Variants in CPA4 observed in about 807,000 individuals in gnomAD.
The protein encoded by CPA4 is carboxypeptidase A4.
In CPA4, 49 loss-of-function variants were observed where a neutral mutation model predicts 54.7. The ratio of observed to expected loss-of-function variants is 0.90; its 90% CI spans 0.71 to 1.14. The LOEUF is 1.14. CPA4 is among the 50% of genes most tolerant of loss of function. CPA4 has a pLI of 0.00. For synonymous variants in CPA4, 215 were observed against 206.8 expected (o/e 1.04, Z -0.34); for missense variants, 487 against 525.1 (o/e 0.93, Z 0.71).
At chr7:130,308,257 T>G (rs775393303) in intron 7 of CPA4, 50 bp from the exon 8 acceptor site, 36 of 1,506,272 alleles carry the variant, frequency 2.4e-5, no homozygotes, top group Non-Finnish European at 3.0e-5. Context: ...CCCTCTTCGG[T>G]GATCTGATCT....
chr7:130,304,371 T>G (rs1206327406), intron 4 of CPA4, 107 bp from the exon 5 acceptor site: 2 of 783,888 alleles, frequency 2.6e-6, no homozygotes, highest in African/African-American at 3.4e-5. Flanking sequence ...ATTCCAAGAT[T>G]AGGGTCCCGG....
At chr7:130,308,485 G>C in intron 8 of CPA4, 88 bp downstream of exon 8, 1 of 1,058,208 alleles carries the variant, frequency 9.4e-7, no homozygotes. Flanking sequence ...GACGGAGCGC[G>C]TTTCCACTTT....
At chr7:130,301,288 G>A (rs1247968245) in intron 4 of CPA4, among the ~76,000 whole-genome samples, 2 of 152,160 alleles carry the variant, frequency 1.3e-5, no homozygotes, top group Non-Finnish European at 2.9e-5. Context: ...GTAGACAAAT[G>A]ATGATTTCGA....
rs1794170200 is a variant in CPA4, at chr7:130,323,911, GTGTGTGTGTGTGTGTGTGTGTGTGTT to G, written c.*1249_*1274del. Reference sequence around the variant, plus strand: ...TGTCCTGGTTTGTGTGTGTGTGTGTGTGTGTGTGTGTGTGTGTGTGTGTGTTTGTGTGTGTGTGTCTGTCTATTTTG... The same window carrying G: ...TGTCCTGGTTTGTGTGTGTGTGTGTGTGTGTGTGTGTGTCTGTCTATTTTG... On this transcript the variant is annotated 3_prime_UTR_variant, in exon 11 of 11. Coordinates refer to ENST00000222482, the MANE Select transcript of CPA4 (RefSeq NM_016352.4). 6.6e-6 allele frequency: 1 copy of G among 152,070 alleles called. No individual in the cohort carries two copies. The highest frequency in any genetic ancestry group is 2.4e-5 in the African/African-American group (1 of 41,142). The allele number at this position is 152,070 out of a possible 1,614,324, so 9.4% of individuals were successfully genotyped here.
chr7:130,306,555 T>C (rs922975305), intron 6 of CPA4, among the ~76,000 whole-genome samples: 2 of 152,138 alleles, frequency 1.3e-5, no homozygotes, highest in East Asian at 1.9e-4. Context: ...CTGCAGTTGA[T>C]GCCATTAGCA....
chr7:130,306,775 G>T lies in CPA4; in HGVS notation c.592-12G>T. ...CCATGGGATAGCTGACAAGCATATT[G>T]TCTCTGCTTAGATTGTATCTGATTA... On this transcript the variant is annotated splice_polypyrimidine_tract_variant and intron_variant, in intron 6 of 10. Transcript: ENST00000222482. The T allele has an allele frequency of 6.9e-7, 1 of 1,458,318 alleles. No individual in the cohort carries two copies. The highest frequency in any genetic ancestry group is 1.7e-5 in the Admixed American group (1 of 59,734). 90.3% of individuals were successfully genotyped at this position (1,458,318 alleles called of 1,614,324 possible).
chr7:130,314,560 G>T (rs1345745368), intron 10 of CPA4, among the ~76,000 whole-genome samples: 1 of 152,236 alleles, frequency 6.6e-6, no homozygotes, highest in African/African-American at 2.4e-5. Context: ...CGGAGCAAAG[G>T]AACAGTTAGC....
intron 3 of CPA4, among the ~76,000 whole-genome samples, chr7:130,300,249 A>G (rs1482300667): frequency 2.0e-5 from 3 of 152,128 alleles, no homozygotes; most frequent in Non-Finnish European, 4.4e-5. Flanking sequence ...TTCATACTAT[A>G]GGATAGCCAA....
chr7:130,318,658 G>A (rs1354900717), intron 10 of CPA4, among the ~76,000 whole-genome samples: 4 of 152,092 alleles, frequency 2.6e-5, no homozygotes, highest in East Asian at 3.9e-4. Context: ...TGATCTGCCC[G>A]CCTCGGCCTC....
intron 1 of CPA4, among the ~76,000 whole-genome samples, chr7:130,293,876 C>T (rs1219684823): frequency 2.0e-5 from 3 of 151,918 alleles, no homozygotes; most frequent in Admixed American, 6.5e-5. Flanking sequence ...GCCTGAACAC[C>T]GTGTGTGTGT....
At chr7:130,312,349 A>C (rs566220896) in intron 10 of CPA4, among the ~76,000 whole-genome samples, 1 of 152,350 alleles carries the variant, frequency 6.6e-6, no homozygotes, top group South Asian at 2.1e-4. Flanking sequence ...TTTCAAGGGA[A>C]ACCCACCTTT....
chr7:130,315,381 A>G (rs190026816), intron 10 of CPA4, among the ~76,000 whole-genome samples: 3 of 152,236 alleles, frequency 2.0e-5, no homozygotes, highest in Admixed American at 1.3e-4. Context: ...GGCCAAAGGT[A>G]AAAGTGTAAC....
At chr7:130,307,925 C>A (rs1562930390) in intron 7 of CPA4, among the ~76,000 whole-genome samples, 1 of 152,166 alleles carries the variant, frequency 6.6e-6, no homozygotes, top group Non-Finnish European at 1.5e-5. Flanking sequence ...TGATTGGATT[C>A]AGGGGAATTT....
intron 10 of CPA4, among the ~76,000 whole-genome samples, chr7:130,318,119 C>A (rs968294536): frequency 1.3e-5 from 2 of 152,194 alleles, no homozygotes; most frequent in African/African-American, 4.8e-5. Flanking sequence ...TGGAGAGTTT[C>A]TGCATCCTCT....
chr7:130,314,670 A>G (rs1290607420), intron 10 of CPA4, among the ~76,000 whole-genome samples: 1 of 152,220 alleles, frequency 6.6e-6, no homozygotes, highest in Non-Finnish European at 1.5e-5. Flanking sequence ...GGGAATTTAT[A>G]CTGAAAGAAA....
intron 8 of CPA4, 39 bp downstream of exon 8, chr7:130,308,436 C>A: frequency 6.6e-7 from 1 of 1,519,896 alleles, no homozygotes; most frequent in East Asian, 2.3e-5. Flanking sequence ...CCTGCTGTCC[C>A]TGGGCTCGCC....
intron 10 of CPA4, among the ~76,000 whole-genome samples, chr7:130,314,269 GT>G (rs1241694821): frequency 6.6e-6 from 1 of 152,208 alleles, no homozygotes; most frequent in African/African-American, 2.4e-5. Context: ...GTAAAGTGAG[GT>G]TTGTTGTAAA....
chr7:130,311,128 T>C, intron 9 of CPA4, 142 bp downstream of exon 9: 2 of 668,866 alleles, frequency 3.0e-6, no homozygotes, highest in Non-Finnish European at 5.3e-6. Context: ...CTCCCTGCCC[T>C]TTGGGATATG....
intron 4 of CPA4, among the ~76,000 whole-genome samples, chr7:130,302,488 CAAAA>C (rs35708499): frequency 8.8e-5 from 7 of 79,494 alleles, no homozygotes; most frequent in Non-Finnish European, 2.6e-5. Flanking sequence ...GACTCTGTCT[CAAAA>C]AAAAAAAAAA....
Sources: allele counts gnomAD v4.1 joint callset (sites outside exome capture counted in the v4.1 genomes callset), GRCh38; gene constraint gnomAD v4.1.1; transcripts MANE v1.5; gene names NCBI Gene and HGNC (gene_info 2026-07-23, HGNC 2026-07-21).